Variants in MFHAS1 observed in about 807,000 individuals in gnomAD.
MFHAS1 encodes the protein multifunctional ROCO family signaling regulator 1, also known as malignant fibrous histiocytoma-amplified sequence 1.
MFHAS1 carries 50 observed loss-of-function variants against 70.4 expected under a neutral mutation model. That is an observed-to-expected ratio of 0.71 (90% CI 0.57 to 0.90). MFHAS1 has a LOEUF of 0.90. MFHAS1 is among the 40% of genes least tolerant of loss of function. The probability of loss-of-function intolerance (pLI) is 0.00; values close to 1 mark genes in which losing one functional copy is unlikely to be tolerated. For synonymous variants in MFHAS1, 952 were observed against 620.0 expected (o/e 1.54, Z -7.96); for missense variants, 1,795 against 1,347.6 (o/e 1.33, Z -5.20).
intron 1 of MFHAS1, among the ~76,000 whole-genome samples, chr8:8,865,502 A>G (rs574442182): frequency 6.6e-6 from 1 of 152,236 alleles, no homozygotes; most frequent in East Asian, 1.9e-4. Flanking sequence ...GATGAAAGCT[A>G]AACACAACCA....
chr8:8,871,364 A>T (rs1257016968), intron 1 of MFHAS1, among the ~76,000 whole-genome samples: 1 of 152,202 alleles, frequency 6.6e-6, no homozygotes, highest in East Asian at 1.9e-4. Context: ...ACCCTCGCCA[A>T]CTTGGTGAAA....
chr8:8,882,365 G>A (rs1386421047), intron 1 of MFHAS1, among the ~76,000 whole-genome samples: 1 of 152,146 alleles, frequency 6.6e-6, no homozygotes, highest in African/African-American at 2.4e-5. Context: ...ACTCCAGCCT[G>A]GAGACAGAGC....
chr8:8,837,198 T>C (rs543677933), intron 1 of MFHAS1, among the ~76,000 whole-genome samples: 2 of 152,352 alleles, frequency 1.3e-5, no homozygotes, highest in South Asian at 4.1e-4. Flanking sequence ...ACAAATGTTC[T>C]GCTGAGTTGA....
At chr8:8,786,131 A>G in intron 2 of MFHAS1, 76 bp from the exon 3 acceptor site, 2 of 1,298,132 alleles carry the variant, frequency 1.5e-6, no homozygotes, top group Non-Finnish European at 2.2e-6. Context: ...TAAGAAAAGG[A>G]AGTGATGATA....
At chr8:8,856,380 G>C (rs974060165) in intron 1 of MFHAS1, among the ~76,000 whole-genome samples, 1 of 152,154 alleles carries the variant, frequency 6.6e-6, no homozygotes, top group Non-Finnish European at 1.5e-5. Flanking sequence ...ATACTTCCCC[G>C]TATTTCAAGA....
Position 8,890,435 on chromosome 8 carries a change from A to ATAG in MFHAS1, c.2623_2624insCTA (p.Phe875delinsSerIle). ...TTCAATCTGCAACTGCTCAGCCACA[A>ATAG]AAGACTGCCCAGCTAGGTTGGTCCC... On this transcript the variant is annotated protein_altering_variant, in exon 1 of 3. Coordinates refer to ENST00000276282, the MANE Select transcript of MFHAS1 (RefSeq NM_004225.3). 6.2e-7 allele frequency: 1 copy of ATAG among 1,613,924 alleles called. No homozygotes were observed. The highest frequency in any genetic ancestry group is 8.5e-7 in the Non-Finnish European group (1 of 1,180,030).
intron 2 of MFHAS1, among the ~76,000 whole-genome samples, chr8:8,796,199 G>A (rs148762207): frequency 1.3e-5 from 2 of 152,152 alleles, no homozygotes; most frequent in Admixed American, 6.5e-5. Flanking sequence ...GCATGTGTGC[G>A]TTCTCTGTCT....
At chr8:8,801,138 C>T (rs11986392) in intron 1 of MFHAS1, among the ~76,000 whole-genome samples, 1 of 151,794 alleles carries the variant, frequency 6.6e-6, no homozygotes, top group Non-Finnish European at 1.5e-5. Flanking sequence ...TCGCTTGAAC[C>T]TGGGAAGTGG....
At chr8:8,828,383 A>C (rs778725464) in intron 1 of MFHAS1, among the ~76,000 whole-genome samples, 1 of 152,242 alleles carries the variant, frequency 6.6e-6, no homozygotes, top group Non-Finnish European at 1.5e-5. Flanking sequence ...AACACATGCC[A>C]AGGCCTCCTT....
chr8:8,845,355 C>A (rs1217895261), intron 1 of MFHAS1, among the ~76,000 whole-genome samples: 1 of 152,156 alleles, frequency 6.6e-6, no homozygotes, highest in Non-Finnish European at 1.5e-5. Flanking sequence ...TGTGAAGCAG[C>A]AGAAAATCAT....
intron 1 of MFHAS1, among the ~76,000 whole-genome samples, chr8:8,827,094 G>C (rs2117315247): frequency 6.6e-6 from 1 of 152,284 alleles, no homozygotes; most frequent in South Asian, 2.1e-4. Context: ...CCTATGCATA[G>C]TGATTTGCTT....
Position 8,879,799 on chromosome 8 carries a change from G to C in MFHAS1, c.2998+10262C>G, listed in dbSNP as rs183710904. On this transcript the variant is annotated intron_variant, in intron 1 of 2. Coordinates refer to ENST00000276282, the MANE Select transcript of MFHAS1 (RefSeq NM_004225.3). ...TTATTTTCCTAGAACTCCCAGTTCA[G>C]TACAAACTTCTGTATAGAGCAGGTA... 1.2e-4 allele frequency among the ~76,000 whole-genome samples: 18 copies of C among 152,278 alleles called. No homozygotes were observed. In the East Asian group the frequency reaches 3.3e-3, roughly 28 times the overall value.
chr8:8,847,862 C>T (rs1234027237), intron 1 of MFHAS1, among the ~76,000 whole-genome samples: 2 of 152,150 alleles, frequency 1.3e-5, no homozygotes, highest in African/African-American at 2.4e-5. Flanking sequence ...TCTGGTATAG[C>T]CCATGTTGCT....
chr8:8,873,111 G>C (rs1809150265), intron 1 of MFHAS1, among the ~76,000 whole-genome samples: 2 of 152,152 alleles, frequency 1.3e-5, no homozygotes, highest in Admixed American at 1.3e-4. Context: ...GCCATTTTTG[G>C]TATCATAGTG....
chr8:8,820,846 T>C (rs1039485151), intron 1 of MFHAS1, among the ~76,000 whole-genome samples: 1 of 152,224 alleles, frequency 6.6e-6, no homozygotes, highest in African/African-American at 2.4e-5. Context: ...GCCATTTGCA[T>C]CGTGGAATTA....
Position 8,890,796 on chromosome 8 carries a change from C to G in MFHAS1, c.2263G>C (p.Gly755Arg), listed in dbSNP as rs145773634. The change falls in exon 1 of 3, where the codon GGG becomes CGG. Residue 755 changes from glycine to arginine, a missense_variant. Transcript: ENST00000276282. Reference protein sequence around the residue: ...PSLLLHKLLLGTSGEGKAEGE... With the variant: ...PSLLLHKLLLRTSGEGKAEGE... ...TCCGCCTTGCCCTCTCCACTGGTCCCTAGGAGCAGCTTATGCAGCAGCAAA... is the reference window on the plus strand; with the variant it reads ...TCCGCCTTGCCCTCTCCACTGGTCCGTAGGAGCAGCTTATGCAGCAGCAAA... 9.5e-4 allele frequency: 1,531 copies of G among 1,614,146 alleles called. 8 individuals are homozygous for G. The highest frequency in any genetic ancestry group is 6.5e-3 in the South Asian group (591 of 91,082).
chr8:8,842,003 G>A (rs565172765), intron 1 of MFHAS1, among the ~76,000 whole-genome samples: 1 of 152,306 alleles, frequency 6.6e-6, no homozygotes, highest in Non-Finnish European at 1.5e-5. Context: ...CAGAGCCGGT[G>A]TTTCTCTACG....
intron 1 of MFHAS1, among the ~76,000 whole-genome samples, chr8:8,825,959 G>A (rs1427691988): frequency 6.6e-6 from 1 of 152,140 alleles, no homozygotes; most frequent in East Asian, 1.9e-4. Flanking sequence ...CTCTCATTTT[G>A]CAGTTGAGGC....
intron 1 of MFHAS1, among the ~76,000 whole-genome samples, chr8:8,877,255 G>A (rs1809331609): frequency 7.6e-6 from 1 of 131,918 alleles, no homozygotes; most frequent in Non-Finnish European, 1.6e-5. Flanking sequence ...AGCTGTGACT[G>A]TGCCACTGCA....
Sources: allele counts gnomAD v4.1 joint callset (sites outside exome capture counted in the v4.1 genomes callset), GRCh38; gene constraint gnomAD v4.1.1; transcripts MANE v1.5; gene names NCBI Gene and HGNC (gene_info 2026-07-23, HGNC 2026-07-21).